The following POFUT3 variants were observed in gnomAD, a reference collection of about 807,000 sequenced individuals.
POFUT3 encodes GDP-fucose protein O-fucosyltransferase 3.
At chr8:33,309,835 G>C in the POFUT3 span, among the ~76,000 whole-genome samples, 19 of 152,144 alleles carry the variant, frequency 1.2e-4, no homozygotes, top group South Asian at 2.1e-4. Flanking sequence ...CCAGCAACTT[G>C]GCAGGGGAAA....
chr8:33,372,104 C>T, the POFUT3 span: 10 of 961,210 alleles, frequency 1.0e-5, no homozygotes, highest in African/African-American at 3.5e-5. Flanking sequence ...TTTTATTACT[C>T]ACTTACATCC....
the POFUT3 span, among the ~76,000 whole-genome samples, chr8:33,321,165 T>C: frequency 2.6e-5 from 4 of 152,114 alleles, no homozygotes; most frequent in African/African-American, 9.7e-5. Flanking sequence ...TAGGTAAGAA[T>C]AGGCTAAGTA....
chr8:33,374,172 C>T, the POFUT3 span, among the ~76,000 whole-genome samples: 1 of 152,300 alleles, frequency 6.6e-6, no homozygotes, highest in Middle Eastern at 3.4e-3. Context: ...AGGAATCCAG[C>T]TTGCTCACTC....
chr8:33,409,643 C>T, the POFUT3 span, among the ~76,000 whole-genome samples: 41,345 of 151,886 alleles, frequency 0.27, 5,866 homozygotes, highest in South Asian at 0.44. Context: ...CAGTGACTCA[C>T]GCCTATAATC....
the POFUT3 span, chr8:33,436,139 G>T: frequency 6.0e-5 from 70 of 1,165,156 alleles, no homozygotes; most frequent in Non-Finnish European, 7.8e-5. Context: ...GGAAGAGAAG[G>T]TCTCAACTTA....
At chr8:33,364,260 T>C in the POFUT3 span, among the ~76,000 whole-genome samples, 1 of 152,182 alleles carries the variant, frequency 6.6e-6, no homozygotes, top group African/African-American at 2.4e-5. Flanking sequence ...TAGGTATTGA[T>C]GGAATGTATC....
At chr8:33,465,888 C>T in the POFUT3 span, among the ~76,000 whole-genome samples, 4 of 152,152 alleles carry the variant, frequency 2.6e-5, no homozygotes, top group African/African-American at 9.6e-5. Flanking sequence ...GTGAAAAGTA[C>T]AGAAATAATC....
the POFUT3 span, among the ~76,000 whole-genome samples, chr8:33,362,955 C>A: frequency 1.3e-5 from 2 of 152,196 alleles, no homozygotes; most frequent in Non-Finnish European, 2.9e-5. Flanking sequence ...CACCCCAAAT[C>A]AACAGAATAT....
the POFUT3 span, among the ~76,000 whole-genome samples, chr8:33,398,705 C>T: frequency 1.6e-4 from 24 of 152,186 alleles, no homozygotes; most frequent in South Asian, 1.0e-3. Context: ...ACATGTACCC[C>T]GGAACCTAAA....
chr8:33,439,683 T>C, the POFUT3 span, among the ~76,000 whole-genome samples: 1 of 151,582 alleles, frequency 6.6e-6, no homozygotes, highest in African/African-American at 2.4e-5. Flanking sequence ...CTGGCCAAGA[T>C]GGTGAAACTC....
At chr8:33,336,815 T>C in the POFUT3 span, among the ~76,000 whole-genome samples, 3 of 152,020 alleles carry the variant, frequency 2.0e-5, no homozygotes, top group Admixed American at 6.6e-5. Context: ...GCAGGAACAT[T>C]GAAGGGCCAA....
At chr8:33,372,681 T>C in the POFUT3 span, 1 of 1,614,098 alleles carries the variant, frequency 6.2e-7, no homozygotes, top group Non-Finnish European at 8.5e-7. Context: ...TGTTCAAAGC[T>C]GGAAATCCAC....
At chr8:33,372,842 T>A in the POFUT3 span, 7 of 1,582,938 alleles carry the variant, frequency 4.4e-6, no homozygotes, top group South Asian at 7.9e-5. Context: ...TAAAAACATA[T>A]GATAATGAAG....
the POFUT3 span, among the ~76,000 whole-genome samples, chr8:33,421,997 TA>T: frequency 0.69 from 101,512 of 148,088 alleles, 35,347 homozygotes; most frequent in African/African-American, 0.84. Flanking sequence ...GGTTTTTGTC[TA>T]AAAAAAAAAC....
At chr8:33,444,002 A>G in the POFUT3 span, among the ~76,000 whole-genome samples, 1 of 147,512 alleles carries the variant, frequency 6.8e-6, no homozygotes, top group African/African-American at 2.5e-5. Context: ...AGCAATGTCT[A>G]CTGAGGCCTG....
chr8:33,469,027 C>T, the POFUT3 span, among the ~76,000 whole-genome samples: 3 of 152,070 alleles, frequency 2.0e-5, no homozygotes, highest in East Asian at 1.9e-4. Flanking sequence ...AATGTGAGGC[C>T]GGATGCAGTG....
At chr8:33,338,724 G>A in the POFUT3 span, 3 of 152,062 alleles carry the variant, frequency 2.0e-5, no homozygotes, top group African/African-American at 4.8e-5. Context: ...TTCCCTCCTC[G>A]GGTGTCATCA....
At chr8:33,400,702 T>G in the POFUT3 span, among the ~76,000 whole-genome samples, 2 of 152,202 alleles carry the variant, frequency 1.3e-5, no homozygotes, top group African/African-American at 4.8e-5. Context: ...AAATATAAGT[T>G]AAATTGGTTT....
At chr8:33,365,974 C>G in the POFUT3 span, among the ~76,000 whole-genome samples, 1 of 152,152 alleles carries the variant, frequency 6.6e-6, no homozygotes. Context: ...TATTGTGGCA[C>G]TATTCACAAT....
Sources: allele counts gnomAD v4.1 joint callset (sites outside exome capture counted in the v4.1 genomes callset), GRCh38; gene constraint gnomAD v4.1.1; transcripts MANE v1.5; gene names NCBI Gene and HGNC (gene_info 2026-07-23, HGNC 2026-07-21).